Variants in DDX10 observed in about 807,000 individuals in gnomAD.
The protein encoded by DDX10 is probable ATP-dependent RNA helicase DDX10.
In DDX10, 74 loss-of-function variants were observed where a neutral mutation model predicts 104.3. The observed-to-expected ratio is 0.71, with a 90% CI of 0.59 to 0.86. The LOEUF (loss-of-function observed/expected upper bound fraction) is 0.86. Among genes scored for constraint, DDX10 ranks in the 40% least tolerant of loss-of-function variants. The probability of loss-of-function intolerance (pLI) is 0.00; values close to 1 mark genes in which losing one functional copy is unlikely to be tolerated. For missense variants in DDX10, 952 were observed against 1,040.0 expected (o/e 0.92, Z 1.16); for synonymous variants, 351 against 353.4 (o/e 0.99, Z 0.08).
intron 13 of DDX10, among the ~76,000 whole-genome samples, chr11:108,823,987 C>A (rs751176807): frequency 3.1e-4 from 47 of 152,134 alleles, no homozygotes; most frequent in Non-Finnish European, 5.9e-4. Context: ...CTGAGATACT[C>A]CCCTAAGAGA....
rs527702910 is a variant in DDX10, at chr11:108,778,278, A to C, written c.1965+54816A>C. 4.4e-3 allele frequency among the ~76,000 whole-genome samples: 667 copies of C among 152,336 alleles called. 1 individual carries two copies. Among genetic ancestry groups the C allele is most frequent in the African/African-American group, 0.015 (641 of 41,562 alleles). ...AGAACAAAGCTGGAGGCATCACGCTACCTGACTTCAAACTATACTACAAGG... is the reference window on the plus strand; with the variant it reads ...AGAACAAAGCTGGAGGCATCACGCTCCCTGACTTCAAACTATACTACAAGG... On this transcript the variant is annotated intron_variant, in intron 13 of 17. Transcript: ENST00000322536.
intron 16 of DDX10, among the ~76,000 whole-genome samples, chr11:108,899,965 T>G (rs1362351855): frequency 6.6e-6 from 1 of 152,096 alleles, no homozygotes; most frequent in Admixed American, 6.6e-5. Context: ...TACAAAAAAT[T>G]AGCTGGGCAT....
chr11:108,751,320 G>T (rs371567116), intron 13 of DDX10, among the ~76,000 whole-genome samples: 16 of 151,924 alleles, frequency 1.1e-4, no homozygotes, highest in African/African-American at 3.4e-4. Flanking sequence ...GGTATCTAAA[G>T]AATCACAATA....
intron 16 of DDX10, among the ~76,000 whole-genome samples, chr11:108,853,104 A>G (rs892332331): frequency 2.2e-4 from 33 of 152,182 alleles, no homozygotes; most frequent in Non-Finnish European, 2.9e-4. Flanking sequence ...GACTGCTTAT[A>G]TTAAATATAA....
At chr11:108,827,110 G>C (rs1862406071) in intron 13 of DDX10, among the ~76,000 whole-genome samples, 1 of 152,184 alleles carries the variant, frequency 6.6e-6, no homozygotes, top group South Asian at 2.1e-4. Flanking sequence ...TTAAAAATTT[G>C]TAGGAACAAG....
intron 16 of DDX10, among the ~76,000 whole-genome samples, chr11:108,897,561 A>C (rs533647896): frequency 6.6e-6 from 1 of 152,118 alleles, no homozygotes; most frequent in Non-Finnish European, 1.5e-5. Flanking sequence ...CGCCAAGGTG[A>C]GAGTGTGGAA....
At chr11:108,754,410 A>C (rs1221138748) in intron 13 of DDX10, among the ~76,000 whole-genome samples, 1 of 152,016 alleles carries the variant, frequency 6.6e-6, no homozygotes, top group Non-Finnish European at 1.5e-5. Context: ...GCCATAATCG[A>C]GTTTTCAGGT....
intron 6 of DDX10, among the ~76,000 whole-genome samples, chr11:108,687,050 G>T (rs2094245250): frequency 6.6e-6 from 1 of 152,158 alleles, no homozygotes; most frequent in Non-Finnish European, 1.5e-5. Flanking sequence ...CTCCCAAAGT[G>T]CTGGGATTAC....
chr11:108,802,802 A>T (rs999520275), intron 13 of DDX10, among the ~76,000 whole-genome samples: 7 of 152,176 alleles, frequency 4.6e-5, no homozygotes, highest in African/African-American at 1.7e-4. Context: ...CTAATGCATG[A>T]TATCTGTTTC....
chr11:108,881,908 A>AT (rs1230913282), intron 16 of DDX10, among the ~76,000 whole-genome samples: 3 of 152,050 alleles, frequency 2.0e-5, no homozygotes, highest in Non-Finnish European at 4.4e-5. Context: ...TAATTAAAAA[A>AT]ATTTTTTTTG....
chr11:108,883,647 G>T (rs1400774024), intron 16 of DDX10, among the ~76,000 whole-genome samples: 1 of 152,098 alleles, frequency 6.6e-6, no homozygotes, highest in Non-Finnish European at 1.5e-5. Context: ...TCTGTATGCT[G>T]TTATTACCAC....
chr11:108,756,077 A>C (rs2094344108), intron 13 of DDX10, among the ~76,000 whole-genome samples: 1 of 151,942 alleles, frequency 6.6e-6, no homozygotes, highest in Admixed American at 6.6e-5. Context: ...ATCTTTCCTT[A>C]TGCTTAGCTT....
intron 13 of DDX10, among the ~76,000 whole-genome samples, chr11:108,830,258 C>T (rs952653415): frequency 2.0e-5 from 3 of 152,078 alleles, no homozygotes; most frequent in Non-Finnish European, 2.9e-5. Context: ...TGTAGTTTTC[C>T]TTGTGGTTTT....
intron 9 of DDX10, among the ~76,000 whole-genome samples, chr11:108,701,623 G>C (rs1409703235): frequency 1.4e-5 from 2 of 147,852 alleles, no homozygotes; most frequent in African/African-American, 4.9e-5. Flanking sequence ...AACAGGACTA[G>C]AACCCAGTTC....
chr11:108,669,920 A>G (rs1479946876), intron 1 of DDX10, among the ~76,000 whole-genome samples: 3 of 152,254 alleles, frequency 2.0e-5, no homozygotes, highest in Non-Finnish European at 2.9e-5. Context: ...ACTCTGCCGT[A>G]GAGTCATCAG....
chr11:108,865,340 C>T (rs1265127977), intron 16 of DDX10, among the ~76,000 whole-genome samples: 2 of 152,132 alleles, frequency 1.3e-5, no homozygotes, highest in African/African-American at 4.8e-5. Context: ...CCTCTTTTAG[C>T]TCTACAATTC....
At chr11:108,847,690 A>G (rs979671767) in intron 15 of DDX10, among the ~76,000 whole-genome samples, 6 of 152,262 alleles carry the variant, frequency 3.9e-5, no homozygotes, top group African/African-American at 1.4e-4. Context: ...TAGTTAAGAA[A>G]GAGGGAAACT....
chr11:108,722,783 A>G (rs1468859765), intron 12 of DDX10, among the ~76,000 whole-genome samples: 1 of 152,182 alleles, frequency 6.6e-6, no homozygotes, highest in Non-Finnish European at 1.5e-5. Context: ...CCTCTTAAAG[A>G]AAAAATAGTG....
chr11:108,934,347 A>C (rs547797170), intron 17 of DDX10, among the ~76,000 whole-genome samples: 3 of 152,298 alleles, frequency 2.0e-5, no homozygotes, highest in African/African-American at 7.2e-5. Flanking sequence ...CATGTAATAG[A>C]AGCATGTTTA....
Sources: gnomAD v4.1 joint callset for allele counts (sites outside exome capture counted in the v4.1 genomes callset) on GRCh38, gnomAD v4.1.1 for gene constraint, MANE v1.5 for transcripts, NCBI Gene and HGNC (gene_info 2026-07-23, HGNC 2026-07-21) for gene names.